ASTN1: variants seen among roughly 807,000 people sequenced by gnomAD.
ASTN1 encodes astrotactin-1.
Under a neutral mutation model 140.7 loss-of-function variants are expected in ASTN1, and 41 were observed. The observed-to-expected ratio is 0.29, with a 90% CI of 0.23 to 0.38. ASTN1 has a LOEUF of 0.38. Ranked by LOEUF, ASTN1 falls within the 10% of genes least tolerant of loss-of-function variation. ASTN1 has a pLI of 1.00. For synonymous variants in ASTN1, 640 were observed against 652.2 expected (o/e 0.98, Z 0.29); for missense variants, 1,479 against 1,678.8 (o/e 0.88, Z 2.08).
chr1:176,894,887 T>C lies in ASTN1; in HGVS notation c.2672-57A>G, dbSNP rs1419235870. On this transcript the variant is annotated intron_variant, in intron 16 of 22. Transcript: ENST00000361833. ...GGAGTCAAAAAAGTAAGGACTATCA[T>C]GACCTCGTGGCCCCTGAGTGCTGGG... 3.1e-6 allele frequency: 5 copies of C among 1,599,676 alleles called. No individual in the cohort carries two copies. In the East Asian group the frequency reaches 1.1e-4, roughly 36 times the overall value.
At chr1:177,062,701 AT>A (rs1206766825) in intron 1 of ASTN1, among the ~76,000 whole-genome samples, 1 of 152,194 alleles carries the variant, frequency 6.6e-6, no homozygotes, top group Non-Finnish European at 1.5e-5. Flanking sequence ...AAGGAAAACA[AT>A]TTTAAGTATT....
At chr1:176,917,792 G>A (rs1279136216) in intron 16 of ASTN1, among the ~76,000 whole-genome samples, 1 of 152,128 alleles carries the variant, frequency 6.6e-6, no homozygotes, top group African/African-American at 2.4e-5. Flanking sequence ...GACACCTCAA[G>A]GGACAAAGCT....
At position 176,863,759 on chromosome 1, in the gene ASTN1, C is replaced by G; in HGVS notation, c.*525G>C. On this transcript the variant is annotated 3_prime_UTR_variant, in exon 23 of 23. Coordinates refer to ENST00000361833, the MANE Select transcript of ASTN1 (RefSeq NM_004319.3). ...ACCAGGAGACACAGACAAGGGCCACCTTCCTCAATTTTCTATTGTCTCTCT... is the reference window on the plus strand; with the variant it reads ...ACCAGGAGACACAGACAAGGGCCACGTTCCTCAATTTTCTATTGTCTCTCT... 4.1e-6 allele frequency: 4 copies of G among 987,058 alleles called. No individual in the cohort carries two copies. The highest frequency in any genetic ancestry group is 4.8e-6 in the Non-Finnish European group (4 of 831,056). The allele number at this position is 987,058 out of a possible 1,614,324, so 61.1% of individuals were successfully genotyped here.
At chr1:176,998,157 A>C (rs1674544177) in intron 8 of ASTN1, among the ~76,000 whole-genome samples, 1 of 152,134 alleles carries the variant, frequency 6.6e-6, no homozygotes, top group Non-Finnish European at 1.5e-5. Context: ...ATCTCCTTTT[A>C]TTCCTACTGT....
intron 8 of ASTN1, among the ~76,000 whole-genome samples, chr1:176,992,510 C>G (rs1342518976): frequency 6.6e-6 from 1 of 152,066 alleles, no homozygotes; most frequent in Non-Finnish European, 1.5e-5. Flanking sequence ...CAATTGGGCC[C>G]TTGTATCCAC....
At chr1:176,884,056 A>G (rs1197344125) in intron 19 of ASTN1, among the ~76,000 whole-genome samples, 1 of 152,212 alleles carries the variant, frequency 6.6e-6, no homozygotes, top group Non-Finnish European at 1.5e-5. Context: ...GAGTGTGCCT[A>G]GAGGCAATGA....
intron 11 of ASTN1, among the ~76,000 whole-genome samples, chr1:176,952,956 T>C (rs1202939213): frequency 2.6e-5 from 4 of 152,236 alleles, no homozygotes; most frequent in African/African-American, 9.6e-5. Context: ...CCATTTATTA[T>C]GGCAACAGCC....
intron 7 of ASTN1, among the ~76,000 whole-genome samples, chr1:177,023,163 C>T (rs1675911340): frequency 1.3e-5 from 2 of 152,110 alleles, no homozygotes; most frequent in Admixed American, 6.5e-5. Context: ...GGAAGTCATC[C>T]TAAAACTGAG....
At chr1:176,984,018 G>A (rs945852267) in intron 8 of ASTN1, among the ~76,000 whole-genome samples, 7 of 152,160 alleles carry the variant, frequency 4.6e-5, no homozygotes, top group East Asian at 1.9e-4. Flanking sequence ...CTGTCAAGCC[G>A]ACTGCAAGAG....
At chr1:177,044,883 G>A (rs551394723) in intron 2 of ASTN1, among the ~76,000 whole-genome samples, 1 of 152,186 alleles carries the variant, frequency 6.6e-6, no homozygotes, top group Admixed American at 6.5e-5. Context: ...TTTAATAGTT[G>A]TGATTTATTT....
intron 9 of ASTN1, among the ~76,000 whole-genome samples, chr1:176,958,693 G>A (rs1366362583): frequency 2.6e-5 from 4 of 152,234 alleles, no homozygotes; most frequent in Admixed American, 2.6e-4. Flanking sequence ...ACTGATTATG[G>A]TGCCTACTCA....
intron 1 of ASTN1, among the ~76,000 whole-genome samples, chr1:177,088,224 A>T (rs35937607): frequency 0.061 from 9,267 of 152,250 alleles, 373 homozygotes; most frequent in Non-Finnish European, 0.09. Context: ...AGAATGGAAG[A>T]TTTCCCACCT....
intron 1 of ASTN1, among the ~76,000 whole-genome samples, chr1:177,122,254 G>A (rs1181591165): frequency 6.6e-6 from 1 of 152,138 alleles, no homozygotes; most frequent in Admixed American, 6.5e-5. Context: ...CTCAGAGCAG[G>A]AAAAGACATG....
rs146317514 is a variant in ASTN1, at chr1:176,984,733, T to G, written c.1524-19496A>C. 1.2e-4 allele frequency among the ~76,000 whole-genome samples: 19 copies of G among 152,340 alleles called. No individual in the cohort carries two copies. The East Asian group carries it at 3.3e-3, about 26-fold the overall frequency. On this transcript the variant is annotated intron_variant, in intron 8 of 22. Transcript: ENST00000361833. The stretch of plus-strand genomic sequence containing the variant: ...AACTTATACTTCTTATTTTCCAGTC[T>G]GCCTTTCTGCGACAAAACAGGGCAA...
chr1:176,952,945 T>C (rs1571559626), intron 11 of ASTN1, among the ~76,000 whole-genome samples: 4 of 152,156 alleles, frequency 2.6e-5, no homozygotes, highest in South Asian at 4.1e-4. Context: ...AGAAGAAAAC[T>C]CCATTTATTA....
At chr1:177,001,949 G>A (rs896586699) in intron 8 of ASTN1, among the ~76,000 whole-genome samples, 3 of 152,162 alleles carry the variant, frequency 2.0e-5, no homozygotes, top group Non-Finnish European at 4.4e-5. Flanking sequence ...TCTGTTCTAT[G>A]TCACAATGGA....
At chr1:177,099,291 A>G (rs1238762290) in intron 1 of ASTN1, among the ~76,000 whole-genome samples, 1 of 152,166 alleles carries the variant, frequency 6.6e-6, no homozygotes, top group Non-Finnish European at 1.5e-5. Context: ...GGCAAAAACA[A>G]ATACATCAAT....
intron 1 of ASTN1, among the ~76,000 whole-genome samples, chr1:177,075,120 C>T (rs1448893733): frequency 6.6e-6 from 1 of 152,130 alleles, no homozygotes; most frequent in Non-Finnish European, 1.5e-5. Flanking sequence ...GTCACCCAGG[C>T]TGGAGTGCAA....
chr1:177,049,785 C>T (rs1677443298), intron 2 of ASTN1, among the ~76,000 whole-genome samples: 1 of 152,176 alleles, frequency 6.6e-6, no homozygotes. Flanking sequence ...TGGCTGGGAC[C>T]TGTTGGTGTT....
Sources: gnomAD v4.1 joint callset for allele counts (sites outside exome capture counted in the v4.1 genomes callset) on GRCh38, gnomAD v4.1.1 for gene constraint, MANE v1.5 for transcripts, NCBI Gene and HGNC (gene_info 2026-07-23, HGNC 2026-07-21) for gene names.